RANBP2: variants seen among roughly 807,000 people sequenced by gnomAD.
RANBP2 encodes the protein RAN binding protein 2, also known as E3 SUMO-protein ligase RanBP2.
In RANBP2, 57 loss-of-function variants were observed where a neutral mutation model predicts 303.6. That is an observed-to-expected ratio of 0.19 (90% CI 0.15 to 0.23). The LOEUF is 0.23. Among genes scored for constraint, RANBP2 ranks in the 10% least tolerant of loss-of-function variants. RANBP2 has a pLI of 1.00. For synonymous variants in RANBP2, 1,167 were observed against 1,301.5 expected, an observed-to-expected ratio of 0.90 and a Z score of 2.23; for missense variants, 3,138 against 3,780.8, an observed-to-expected ratio of 0.83 and a Z score of 4.46.
chr2:108,765,018 G>C lies in RANBP2; in HGVS notation c.4479G>C (p.Glu1493Asp). Reference protein sequence around the residue: ...WDCSACLVQNEGSSTKCAACQ... With the variant: ...WDCSACLVQNDGSSTKCAACQ... ...GCAGTGCATGTTTGGTACAAAATGA[G>C]GGGAGCTCTACAAAATGTGCTGCTT... is the stretch of plus-strand genomic sequence containing the variant. The change falls in exon 20 of 29, where the codon GAG (glutamate) becomes GAC (aspartate). Residue 1493 changes from glutamate to aspartate, a missense_variant. This residue lies in a region of RANBP2 where 388 missense variants were observed against 328.5 expected (regional missense o/e 1.18). Transcript: ENST00000283195. The C allele has an allele frequency of 6.2e-7, 1 of 1,612,028 alleles. No homozygotes were observed.
chr2:109,632,446 C>A, the RANBP2 span, among the ~76,000 whole-genome samples: 1 of 152,160 alleles, frequency 6.6e-6, no homozygotes, highest in African/African-American at 2.4e-5. Context: ...AAGTTAGTGT[C>A]GCAATTGAAT....
the RANBP2 span, among the ~76,000 whole-genome samples, chr2:108,941,002 C>T: frequency 7.2e-5 from 11 of 152,312 alleles, no homozygotes; most frequent in South Asian, 2.1e-4. Flanking sequence ...GCATCTCTTG[C>T]GCCCTTGATC....
the RANBP2 span, among the ~76,000 whole-genome samples, chr2:109,053,053 A>G: frequency 1.3e-5 from 2 of 151,920 alleles, no homozygotes; most frequent in East Asian, 3.9e-4. Context: ...AGACAGCAGA[A>G]CTCTGCCAGG....
chr2:109,450,294 C>G, the RANBP2 span, among the ~76,000 whole-genome samples: 1 of 150,850 alleles, frequency 6.6e-6, no homozygotes, highest in Non-Finnish European at 1.5e-5. Context: ...TGCAGTGAGC[C>G]AAGATTGTGC....
At chr2:109,237,467 A>G in the RANBP2 span, among the ~76,000 whole-genome samples, 2 of 152,250 alleles carry the variant, frequency 1.3e-5, no homozygotes, top group Admixed American at 6.5e-5. Context: ...GGGAACCAGC[A>G]TGATGGATTG....
the RANBP2 span, among the ~76,000 whole-genome samples, chr2:109,550,395 C>T: frequency 6.6e-6 from 1 of 151,752 alleles, no homozygotes; most frequent in African/African-American, 2.4e-5. Context: ...TCACTGCAAC[C>T]TCTGCCTCTT....
the RANBP2 span, among the ~76,000 whole-genome samples, chr2:108,913,352 C>G: frequency 2.0e-5 from 3 of 152,070 alleles, no homozygotes; most frequent in African/African-American, 7.2e-5. Flanking sequence ...TTTTCCTATG[C>G]GTGGAGACAA....
At chr2:109,612,929 C>T in the RANBP2 span, among the ~76,000 whole-genome samples, 3 of 152,238 alleles carry the variant, frequency 2.0e-5, no homozygotes, top group Non-Finnish European at 2.9e-5. Flanking sequence ...ACAATTTAAA[C>T]TTCTCATGTA....
chr2:109,001,532 C>T, the RANBP2 span, among the ~76,000 whole-genome samples: 6 of 152,316 alleles, frequency 3.9e-5, no homozygotes, highest in East Asian at 1.2e-3. Context: ...TCCCACTGTG[C>T]CTGTAAAAGT....
the RANBP2 span, among the ~76,000 whole-genome samples, chr2:108,955,362 G>T: frequency 1.3e-5 from 2 of 152,186 alleles, no homozygotes; most frequent in East Asian, 3.8e-4. Flanking sequence ...TAAAATAAAA[G>T]AAAAATATAA....
the RANBP2 span, among the ~76,000 whole-genome samples, chr2:109,701,577 G>A: frequency 6.6e-6 from 1 of 152,074 alleles, no homozygotes; most frequent in East Asian, 1.9e-4. Context: ...CAGTGAATCT[G>A]CATTTTTACA....
At chr2:109,105,616 G>A in the RANBP2 span, among the ~76,000 whole-genome samples, 12 of 151,876 alleles carry the variant, frequency 7.9e-5, no homozygotes, top group Admixed American at 3.3e-4. Context: ...GTACAGTGGC[G>A]CAATCTCAGC....
chr2:109,589,868 G>A, the RANBP2 span, among the ~76,000 whole-genome samples: 3 of 152,076 alleles, frequency 2.0e-5, no homozygotes, highest in Non-Finnish European at 4.4e-5. Context: ...CAAACAAGTG[G>A]TGAATAGATA....
the RANBP2 span, among the ~76,000 whole-genome samples, chr2:109,264,235 G>A: frequency 6.9e-6 from 1 of 143,890 alleles, no homozygotes; most frequent in Non-Finnish European, 1.5e-5. Flanking sequence ...GTCTGTGGGT[G>A]CTCCCTGTCC....
chr2:109,732,407 G>A, the RANBP2 span, among the ~76,000 whole-genome samples: 1 of 152,182 alleles, frequency 6.6e-6, no homozygotes, highest in Non-Finnish European at 1.5e-5. Flanking sequence ...CCATCACAAG[G>A]AGAATATAAA....
At chr2:109,570,551 G>C in the RANBP2 span, among the ~76,000 whole-genome samples, 1 of 150,434 alleles carries the variant, frequency 6.6e-6, no homozygotes, top group African/African-American at 2.4e-5. Flanking sequence ...CCAAGACGGA[G>C]TCTAGCTCTG....
chr2:109,085,879 A>G, the RANBP2 span, among the ~76,000 whole-genome samples: 1 of 152,124 alleles, frequency 6.6e-6, no homozygotes, highest in Admixed American at 6.6e-5. Context: ...TGCTGGGATT[A>G]CAGGTGTGAG....
At chr2:109,684,521 G>A in the RANBP2 span, among the ~76,000 whole-genome samples, 1 of 142,462 alleles carries the variant, frequency 7.0e-6, no homozygotes, top group Admixed American at 7.3e-5. Flanking sequence ...TTACAGGTGT[G>A]AGCCACTGCA....
the RANBP2 span, among the ~76,000 whole-genome samples, chr2:108,879,061 AATGG>A: frequency 6.6e-6 from 1 of 152,238 alleles, no homozygotes; most frequent in Non-Finnish European, 1.5e-5. Context: ...ATCTGAATGA[AATGG>A]ACTGTTCTCT....
Sources: gnomAD v4.1 joint callset for allele counts (sites outside exome capture counted in the v4.1 genomes callset) on GRCh38, gnomAD v4.1.1 for gene constraint, gnomAD v4.1.1 regional missense constraint, MANE v1.5 for transcripts, NCBI Gene and HGNC (gene_info 2026-07-23, HGNC 2026-07-21) for gene names.